DAB2IP: variants seen among roughly 807,000 people sequenced by gnomAD.
DAB2IP encodes DAB2 interacting protein, also known as disabled homolog 2-interacting protein.
Under a neutral mutation model 107.2 loss-of-function variants are expected in DAB2IP, and 28 were observed. The ratio of observed to expected loss-of-function variants is 0.26; its 90% CI spans 0.19 to 0.36. The LOEUF is 0.36. Ranked by LOEUF, DAB2IP falls within the 10% of genes least tolerant of loss-of-function variation. The pLI, the probability that DAB2IP is intolerant of heterozygous loss-of-function variation, is 1.00. For synonymous variants in DAB2IP, 755 were observed against 706.4 expected, an observed-to-expected ratio of 1.07 and a Z score of -1.09; for missense variants, 1,400 against 1,644.7, an observed-to-expected ratio of 0.85 and a Z score of 2.57.
At chr9:121,595,957 C>A (rs545276437) in intron 1 of DAB2IP, among the ~76,000 whole-genome samples, 1 of 151,980 alleles carries the variant, frequency 6.6e-6, no homozygotes, top group African/African-American at 2.4e-5. Flanking sequence ...GAGGCTGGGG[C>A]GGGAGGATCG....
At chr9:121,674,876 G>GGTGTGT (rs369953526) in intron 1 of DAB2IP, among the ~76,000 whole-genome samples, 3 of 150,188 alleles carry the variant, frequency 2.0e-5, no homozygotes, top group African/African-American at 7.3e-5. Flanking sequence ...TGGCCAGGGT[G>GGTGTGT]GTGTGTGTGT....
chr9:121,678,548 C>A (rs764255673), intron 1 of DAB2IP, 130 bp from the exon 2 acceptor site: 18 of 663,670 alleles, frequency 2.7e-5, no homozygotes, highest in Non-Finnish European at 3.8e-5. Context: ...CCAGACTTTT[C>A]CATAGTGCCT....
At chr9:121,663,909 T>C (rs138089646) in intron 1 of DAB2IP, among the ~76,000 whole-genome samples, 26 of 152,378 alleles carry the variant, frequency 1.7e-4, no homozygotes, top group African/African-American at 5.5e-4. Flanking sequence ...ATATCCGGGC[T>C]TGAATCCTGT....
intron 1 of DAB2IP, among the ~76,000 whole-genome samples, chr9:121,666,452 CA>C (rs1833429696): frequency 6.6e-6 from 1 of 152,172 alleles, no homozygotes; most frequent in East Asian, 1.9e-4. Context: ...CTCCCTGTCC[CA>C]GAGAGGCGTG....
chr9:121,746,811 G>C (rs1832752754), intron 3 of DAB2IP, among the ~76,000 whole-genome samples: 1 of 152,170 alleles, frequency 6.6e-6, no homozygotes, highest in Non-Finnish European at 1.5e-5. Flanking sequence ...TCCCACTTGG[G>C]TCTCGCATCC....
At chr9:121,721,802 G>A (rs1386125731) in intron 3 of DAB2IP, among the ~76,000 whole-genome samples, 1 of 152,194 alleles carries the variant, frequency 6.6e-6, no homozygotes, top group African/African-American at 2.4e-5. Flanking sequence ...TGGGCAGAGG[G>A]CAATAGGCAA....
chr9:121,583,033 AAGG>A (rs1412321055), intron 1 of DAB2IP, among the ~76,000 whole-genome samples: 1 of 152,240 alleles, frequency 6.6e-6, no homozygotes, highest in East Asian at 1.9e-4. Flanking sequence ...TTGTTGAAAG[AAGG>A]AGAAGGGGAA....
Position 121,701,095 on chromosome 9 carries a change from C to T in DAB2IP, c.362+1637C>T, listed in dbSNP as rs968240969. ...TTGGCGGGGGTCAGGACCCTCTGCA[C>T]CCGCATGCGGGGGCTTGTGTACGTA... On this transcript the variant is annotated intron_variant, in intron 3 of 15. Coordinates refer to ENST00000408936, the Ensembl canonical transcript of DAB2IP. The surrounding 1 kb of genome is among the most constrained non-coding windows in gnomAD (Gnocchi z 4.7). Among the ~76,000 whole-genome samples the T allele has an allele frequency of 4.6e-5, 7 of 152,252 alleles. No individual in the cohort carries two copies. The highest frequency in any genetic ancestry group is 1.7e-4 in the African/African-American group (7 of 41,470).
exon 13 of DAB2IP, chr9:121,774,359 C>T (rs141691348): frequency 2.5e-6 from 4 of 1,612,830 alleles, no homozygotes; most frequent in African/African-American, 2.7e-5. Flanking sequence ...GGGCCCAGAC[C>T]CCCCCCACAG....
Position 121,706,317 on chromosome 9 carries a change from C to T in DAB2IP, c.362+6859C>T, listed in dbSNP as rs955173222. ...GGCTGTGGGAGGGACAGTCACTGGC[C>T]ACTCTGTTTTCCCACCCCTCCAGGG... On this transcript the variant is annotated intron_variant, in intron 3 of 15. Transcript: ENST00000408936. Among the ~76,000 whole-genome samples, 7 of 152,284 alleles carry T rather than the reference C, an allele frequency of 4.6e-5. No individual in the cohort carries two copies. The East Asian group carries it at 1.4e-3, about 29-fold the overall frequency.
At chr9:121,771,902 C>G (rs1465061792) in intron 11 of DAB2IP, among the ~76,000 whole-genome samples, 1 of 152,012 alleles carries the variant, frequency 6.6e-6, no homozygotes, top group African/African-American at 2.4e-5. Flanking sequence ...TCTCCAAAGC[C>G]CCCCTGGACC....
chr9:121,656,182 A>G (rs887888549), intron 1 of DAB2IP, among the ~76,000 whole-genome samples: 1 of 151,666 alleles, frequency 6.6e-6, no homozygotes, highest in Non-Finnish European at 1.5e-5. Context: ...CTAATTTTGT[A>G]TTTTCAGTAG....
In DAB2IP at chr9:121,695,596, G is replaced by C. The variant is rs567719664; in HGVS notation, c.229-3729G>C. Among the ~76,000 whole-genome samples the C allele has an allele frequency of 1.2e-3, 176 of 152,290 alleles. 1 individual carries two copies. Among genetic ancestry groups the C allele is most frequent in the African/African-American group, 4.1e-3 (172 of 41,544 alleles). ...CAGTGGGAATGGTCAGCAAGCGTGG[G>C]CTCCTGTGGTCCAGCGCCATCTGCA... On this transcript the variant is annotated intron_variant, in intron 2 of 15. Transcript: ENST00000408936.
chr9:121,588,040 C>T (rs1830344588), intron 1 of DAB2IP, among the ~76,000 whole-genome samples: 1 of 152,202 alleles, frequency 6.6e-6, no homozygotes, highest in Non-Finnish European at 1.5e-5. Context: ...TGGTAAACTC[C>T]TATCCATGCG....
chr9:121,738,192 C>T (rs962547239), intron 3 of DAB2IP, among the ~76,000 whole-genome samples: 2 of 152,178 alleles, frequency 1.3e-5, no homozygotes, highest in African/African-American at 2.4e-5. Flanking sequence ...CTGTGAGGAA[C>T]GGGCCTTGAC....
intron 3 of DAB2IP, among the ~76,000 whole-genome samples, chr9:121,715,744 A>C (rs1317376537): frequency 6.6e-6 from 1 of 152,132 alleles, no homozygotes; most frequent in Non-Finnish European, 1.5e-5. Context: ...TTCTCTCCCC[A>C]TGAAATGGGT....
intron 2 of DAB2IP, among the ~76,000 whole-genome samples, chr9:121,696,069 A>G (rs1033097322): frequency 1.8e-4 from 28 of 152,056 alleles, no homozygotes; most frequent in African/African-American, 6.5e-4. Context: ...GGGTTTTGCC[A>G]TCTTGGCCAG....
At chr9:121,658,261 G>T (rs1186227732) in intron 1 of DAB2IP, among the ~76,000 whole-genome samples, 1 of 152,204 alleles carries the variant, frequency 6.6e-6, no homozygotes, top group Non-Finnish European at 1.5e-5. Context: ...CCCTCTCGGG[G>T]CCACTTGGTT....
intron 3 of DAB2IP, among the ~76,000 whole-genome samples, chr9:121,705,094 C>T (rs1004075326): frequency 1.3e-5 from 2 of 152,202 alleles, no homozygotes; most frequent in Non-Finnish European, 2.9e-5. Context: ...TATTACTCTC[C>T]TTTAGATCTG....
Sources: gnomAD v4.1 joint callset for allele counts (sites outside exome capture counted in the v4.1 genomes callset) on GRCh38, gnomAD v4.1.1 for gene constraint, Gnocchi (gnomAD v3.1) non-coding constraint, MANE v1.5 for transcripts, NCBI Gene and HGNC (gene_info 2026-07-23, HGNC 2026-07-21) for gene names.